The following ADAMTSL1 variants were observed in gnomAD, a reference collection of about 807,000 sequenced individuals.
ADAMTSL1 encodes ADAMTS like 1.
Under a neutral mutation model 201.8 loss-of-function variants are expected in ADAMTSL1, and 126 were observed. The observed-to-expected ratio is 0.62, with a 90% CI of 0.54 to 0.72. The LOEUF (loss-of-function observed/expected upper bound fraction) is 0.72. Ranked by LOEUF, ADAMTSL1 falls within the 30% of genes least tolerant of loss-of-function variation. The pLI, the probability that ADAMTSL1 is intolerant of heterozygous loss-of-function variation, is 0.00. For synonymous variants in ADAMTSL1, 1,121 were observed against 903.4 expected (o/e 1.24, Z -4.32); for missense variants, 2,679 against 2,277.8 (o/e 1.18, Z -3.59).
intron 2 of ADAMTSL1, among the ~76,000 whole-genome samples, chr9:18,174,451 C>G (rs1224164272): frequency 1.3e-5 from 2 of 152,108 alleles, no homozygotes; most frequent in African/African-American, 2.4e-5. Context: ...AGTGGTCAGA[C>G]AGCCTTCTGG....
At chr9:18,410,814 T>C (rs1270663864) in intron 2 of ADAMTSL1, among the ~76,000 whole-genome samples, 1 of 151,824 alleles carries the variant, frequency 6.6e-6, no homozygotes, top group African/African-American at 2.4e-5. Flanking sequence ...TTAATGTATT[T>C]AATCGACTGG....
intron 4 of ADAMTSL1, 122 bp downstream of exon 4, chr9:18,574,388 T>A: frequency 1.1e-6 from 1 of 914,588 alleles, no homozygotes; most frequent in Non-Finnish European, 1.8e-6. Flanking sequence ...TTGTAAATGG[T>A]GAAAGATTTG....
At chr9:18,826,513 T>C (rs1171873333) in intron 22 of ADAMTSL1, 50 bp downstream of exon 22, 1 of 1,567,342 alleles carries the variant, frequency 6.4e-7, no homozygotes, top group Admixed American at 1.8e-5. Context: ...TGGGAGTGAC[T>C]ATCTAACCCA....
intron 23 of ADAMTSL1, among the ~76,000 whole-genome samples, chr9:18,863,643 C>A (rs570534335): frequency 6.6e-6 from 1 of 152,140 alleles, no homozygotes; most frequent in Non-Finnish European, 1.5e-5. Context: ...ATTAATCATT[C>A]CTCTCAGCCA....
chr9:18,302,206 G>T (rs981630966), intron 2 of ADAMTSL1, among the ~76,000 whole-genome samples: 1 of 152,038 alleles, frequency 6.6e-6, no homozygotes, highest in African/African-American at 2.4e-5. Flanking sequence ...AAAGGAAGAG[G>T]GAACTCCCCC....
chr9:18,366,305 G>A (rs868691400), intron 2 of ADAMTSL1, among the ~76,000 whole-genome samples: 3 of 142,222 alleles, frequency 2.1e-5, no homozygotes, highest in Non-Finnish European at 3.1e-5. Context: ...AAGATTGAGC[G>A]TGCATCAGCT....
intron 2 of ADAMTSL1, among the ~76,000 whole-genome samples, chr9:18,332,690 A>C (rs530293270): frequency 6.6e-6 from 1 of 152,314 alleles, no homozygotes; most frequent in South Asian, 2.1e-4. Context: ...GTTGATAACT[A>C]CACAGTTATG....
chr9:18,746,044 T>C (rs1819123374), intron 15 of ADAMTSL1, among the ~76,000 whole-genome samples: 1 of 152,174 alleles, frequency 6.6e-6, no homozygotes, highest in Non-Finnish European at 1.5e-5. Context: ...AGACATGCAG[T>C]GCCCCGTTGC....
intron 2 of ADAMTSL1, among the ~76,000 whole-genome samples, chr9:18,189,404 T>C (rs970536910): frequency 3.3e-5 from 5 of 152,144 alleles, no homozygotes; most frequent in African/African-American, 9.7e-5. Context: ...GCTGGTTCTA[T>C]AGAAGGCTAT....
chr9:18,537,933 GGAGGAA>G (rs1401760290), intron 3 of ADAMTSL1, among the ~76,000 whole-genome samples: 2 of 143,884 alleles, frequency 1.4e-5, no homozygotes, highest in Non-Finnish European at 3.0e-5. Flanking sequence ...AAGAAGAAGA[GGAGGAA>G]GAGGAAGAAG....
intron 7 of ADAMTSL1, among the ~76,000 whole-genome samples, chr9:18,649,885 A>G (rs1828099920): frequency 6.6e-6 from 1 of 152,102 alleles, no homozygotes; most frequent in African/African-American, 2.4e-5. Flanking sequence ...TCAGATCTCC[A>G]GCTGCGTGCT....
intron 7 of ADAMTSL1, among the ~76,000 whole-genome samples, chr9:18,649,087 C>A: frequency 6.6e-6 from 1 of 152,148 alleles, no homozygotes; most frequent in Non-Finnish European, 1.5e-5. Context: ...TTGTTCGTTT[C>A]TTTTTATTCT....
chr9:18,905,781 G>A lies in ADAMTSL1; in HGVS notation c.4852-1G>A. 1 of 1,611,744 alleles carries A rather than the reference G, an allele frequency of 6.2e-7. No individual in the cohort carries two copies. Among genetic ancestry groups the A allele is most frequent in the East Asian group, 2.2e-5 (1 of 44,848 alleles). ...GTATGTTACCTTTTTCTGCTTTCCA[G>A]TGCAATGGGCCTTGCATCGGGCCTC... On this transcript the variant is annotated splice_acceptor_variant, in intron 26 of 28. Transcript: ENST00000380548. LOFTEE classifies it high-confidence loss of function.
intron 2 of ADAMTSL1, among the ~76,000 whole-genome samples, chr9:18,298,453 C>A (rs910487884): frequency 5.3e-5 from 8 of 152,120 alleles, no homozygotes; most frequent in African/African-American, 1.9e-4. Context: ...GCACAAAGCA[C>A]TGACTGAATT....
chr9:18,761,600 T>G (rs1749483280), intron 16 of ADAMTSL1, among the ~76,000 whole-genome samples: 1 of 152,210 alleles, frequency 6.6e-6, no homozygotes. Context: ...TTTTATTTAA[T>G]TTCATTAATT....
intron 13 of ADAMTSL1, among the ~76,000 whole-genome samples, chr9:18,692,518 A>T (rs562207662): frequency 2.6e-5 from 4 of 152,294 alleles, no homozygotes; most frequent in South Asian, 2.1e-4. Context: ...AATTAATGGG[A>T]TCCTTGTGTG....
intron 19 of ADAMTSL1, among the ~76,000 whole-genome samples, chr9:18,794,861 T>G (rs1822299340): frequency 6.6e-6 from 1 of 152,088 alleles, no homozygotes; most frequent in Non-Finnish European, 1.5e-5. Flanking sequence ...AGGCTGTTCT[T>G]GAACTCCTGG....
In ADAMTSL1 at chr9:18,357,347, T is replaced by C. The variant is rs1836297468; in HGVS notation, c.208-147482T>C. Among the ~76,000 whole-genome samples the C allele has an allele frequency of 2.0e-5, 3 of 152,294 alleles. No homozygotes were observed. The South Asian group carries it at 6.2e-4, about 32-fold the overall frequency. On this transcript the variant is annotated intron_variant, in intron 2 of 29. Transcript: ENST00000680146. ...TTAAATATATGTTGAGGTCCAACAA[T>C]TGGTAATCCCTTTGGTAGAAGCACT...
chr9:18,511,877 A>C (rs530369356), intron 2 of ADAMTSL1, among the ~76,000 whole-genome samples: 24 of 152,316 alleles, frequency 1.6e-4, no homozygotes, highest in African/African-American at 5.8e-4. Flanking sequence ...TCTCATCTCT[A>C]TCATAACATC....
Sources: gnomAD v4.1 joint callset for allele counts (sites outside exome capture counted in the v4.1 genomes callset) on GRCh38, gnomAD v4.1.1 for gene constraint, MANE v1.5 for transcripts, NCBI Gene and HGNC (gene_info 2026-07-23, HGNC 2026-07-21) for gene names.